Variants in CTDNEP1 observed in about 807,000 individuals in gnomAD.
CTDNEP1 encodes the protein CTD nuclear envelope phosphatase 1.
CTDNEP1 carries 3 observed loss-of-function variants against 30.1 expected under a neutral mutation model. The observed-to-expected ratio is 0.10, with a 90% CI of 0.05 to 0.26. CTDNEP1 has a LOEUF of 0.26. Among genes scored for constraint, CTDNEP1 ranks in the 10% least tolerant of loss-of-function variants. CTDNEP1 has a pLI of 1.00. For missense variants in CTDNEP1, 158 were observed against 310.4 expected, an observed-to-expected ratio of 0.51 and a Z score of 3.69; for synonymous variants, 123 against 118.8, an observed-to-expected ratio of 1.04 and a Z score of -0.23.
chr17:7,248,971 C>A (rs1213364754), intron 1 of CTDNEP1, among the ~76,000 whole-genome samples: 1 of 152,178 alleles, frequency 6.6e-6, no homozygotes, highest in Non-Finnish European at 1.5e-5. Context: ...AGAACCTCAG[C>A]CCTCTGAACA....
rs770156939 is a variant in CTDNEP1 at position 7,245,975 on chromosome 17, C to G, written c.589+51G>C. ...AAGCCCAGGTCTCCTGCAAAAATAC[C>G]TTCTCAGAACCATGTTCTGGTCCTG... On this transcript the variant is annotated intron_variant, in intron 6 of 7. Coordinates refer to ENST00000574322, the MANE Select transcript of CTDNEP1 (RefSeq NM_001143775.2). 10 of 1,270,756 alleles carry G rather than the reference C, an allele frequency of 7.9e-6. No homozygotes were observed. The Admixed American group carries it at 1.8e-4, about 22-fold the overall frequency. 78.7% of individuals were successfully genotyped at this position (1,270,756 alleles called of 1,614,324 possible). A position where few individuals can be genotyped will look rare whatever the true frequency, so the allele number is the denominator to read the frequency against.
upstream of CTDNEP1, chr17:7,251,935 G>A (rs1597578364): frequency 6.3e-6 from 1 of 159,984 alleles, no homozygotes; most frequent in African/African-American, 2.4e-5. Context: ...TCTGCAGCTG[G>A]GTTTCCCACT....
At chr17:7,249,898 G>C (rs923796350) in intron 1 of CTDNEP1, among the ~76,000 whole-genome samples, 3 of 152,072 alleles carry the variant, frequency 2.0e-5, no homozygotes, top group African/African-American at 7.2e-5. Flanking sequence ...GCGACAAAGC[G>C]AGACTGTCTC....
At position 7,244,153 on chromosome 17, in the gene CTDNEP1, C is replaced by T. The variant is rs1161136683; in HGVS notation, c.*32G>A. On this transcript the variant is annotated 3_prime_UTR_variant, in exon 8 of 8. Transcript: ENST00000574322. ...CAAGGGCTCGCCCTCCCTTTCCCCC[C>T]CACCCCAACTCAGGTGGAGGGGGAG... 9.3e-6 allele frequency: 15 copies of T among 1,613,236 alleles called. No homozygotes were observed. The highest frequency in any genetic ancestry group is 1.7e-5 in the Admixed American group (1 of 60,012).
At chr17:7,249,772 G>A (rs1219746242) in intron 1 of CTDNEP1, among the ~76,000 whole-genome samples, 3 of 152,180 alleles carry the variant, frequency 2.0e-5, no homozygotes, top group Non-Finnish European at 4.4e-5. Context: ...TTAGCCAGGT[G>A]TGGTGGCAGG....
At chr17:7,244,686 G>T in intron 6 of CTDNEP1, 51 bp from the exon 7 acceptor site, 3 of 1,358,912 alleles carry the variant, frequency 2.2e-6, no homozygotes, top group Non-Finnish European at 3.0e-6. Flanking sequence ...AAGAGAGACG[G>T]TGTTTTTCTC....
At chr17:7,248,682 T>C (rs1433260745) in intron 1 of CTDNEP1, among the ~76,000 whole-genome samples, 2 of 152,068 alleles carry the variant, frequency 1.3e-5, no homozygotes, top group Admixed American at 6.6e-5. Flanking sequence ...ACTGTGATAT[T>C]ATCCTGCTAC....
rs1156528383 is a variant in CTDNEP1 at position 7,247,048 on chromosome 17, C to T, written c.288+16G>A. Reference sequence around the variant, plus strand: ...GAACAGATGGAACCATTTCATCACTCCCCACCACCACACACCTTGAGGATG... The same window carrying T: ...GAACAGATGGAACCATTTCATCACTTCCCACCACCACACACCTTGAGGATG... On this transcript the variant is annotated intron_variant, in intron 3 of 7. Transcript: ENST00000574322. 2 of 1,580,194 alleles carry T rather than the reference C, an allele frequency of 1.3e-6. No homozygotes were observed. The highest frequency in any genetic ancestry group is 1.7e-6 in the Non-Finnish European group (2 of 1,151,104).
chr17:7,248,000 T>C (rs939180527), intron 1 of CTDNEP1, among the ~76,000 whole-genome samples: 1 of 151,352 alleles, frequency 6.6e-6, no homozygotes, highest in Non-Finnish European at 1.5e-5. Flanking sequence ...CAGTGGCTCA[T>C]GCCTGTAATC....
In CTDNEP1 at chr17:7,243,941, T is replaced by G; in HGVS notation, c.*244A>C. The G allele has an allele frequency of 7.4e-7, 1 of 1,357,978 alleles. No individual in the cohort carries two copies. The highest frequency in any genetic ancestry group is 2.9e-5 in the East Asian group (1 of 34,590). 84.1% of individuals were successfully genotyped at this position (1,357,978 alleles called of 1,614,324 possible). Reference sequence around the variant, plus strand: ...GATTCGGCTCTCCTAGGCTTCCGCCTGTGTCCCAGTCTGGGGTTTCCATGG... The same window carrying G: ...GATTCGGCTCTCCTAGGCTTCCGCCGGTGTCCCAGTCTGGGGTTTCCATGG... On this transcript the variant is annotated 3_prime_UTR_variant, in exon 8 of 8. Coordinates refer to ENST00000574322, the MANE Select transcript of CTDNEP1 (RefSeq NM_001143775.2).
Position 7,246,195 on chromosome 17 carries a change from G to A in CTDNEP1, c.478-58C>T, listed in dbSNP as rs2071834773. The A allele has an allele frequency of 6.3e-7, 1 of 1,580,640 alleles. No homozygotes were observed. The highest frequency in any genetic ancestry group is 1.1e-5 in the South Asian group (1 of 90,334). The stretch of plus-strand genomic sequence containing the variant: ...CTCCAGGATACTCTCCTCAAACCCA[G>A]ATCCCTCCCTGGTGGCCTCCCTCCC... On this transcript the variant is annotated intron_variant, in intron 5 of 7. Coordinates refer to ENST00000574322, the MANE Select transcript of CTDNEP1 (RefSeq NM_001143775.2). The surrounding 1 kb of genome is among the most constrained non-coding windows in gnomAD (Gnocchi z 4.9).
In CTDNEP1 at chr17:7,246,750, T is replaced by C. The variant is rs2071843869; in HGVS notation, c.360+41A>G. On this transcript the variant is annotated intron_variant, in intron 4 of 7. Coordinates refer to ENST00000574322, the MANE Select transcript of CTDNEP1 (RefSeq NM_001143775.2). This position sits in a 1 kb window ranked among gnomAD's most constrained non-coding sequence, Gnocchi z 4.9. ...CCCAATTCCCAGAGCCCTAAAACCA[T>C]TCCTTCATTACAGAGCTCCCTTTAG... is the stretch of plus-strand genomic sequence containing the variant. The C allele has an allele frequency of 6.5e-7, 1 of 1,541,922 alleles. No individual in the cohort carries two copies. Among genetic ancestry groups the C allele is most frequent in the Non-Finnish European group, 9.0e-7 (1 of 1,115,910 alleles).
At position 7,251,630 on chromosome 17, in the gene CTDNEP1, G is replaced by GAGGCC. The variant is rs1435571211; in HGVS notation, c.-335_-334insGGCCT. On this transcript the variant is annotated 5_prime_UTR_variant, in exon 1 of 8. Transcript: ENST00000574322. ...GAGGGAAGGGGAAGGATAATTGGGG[G>GAGGCC]AGGGGGCAGTGGGGGAGGGGGCTAG... The GAGGCC allele has an allele frequency of 6.2e-6, 1 of 160,930 alleles. No homozygotes were observed. Among genetic ancestry groups the GAGGCC allele is most frequent in the Non-Finnish European group, 1.3e-5 (1 of 74,812 alleles). The allele number at this position is 160,930 out of a possible 1,614,324, so 10.0% of individuals were successfully genotyped here. A position where few individuals can be genotyped will look rare whatever the true frequency, so the allele number is the denominator to read the frequency against.
In CTDNEP1 at chr17:7,244,010, G is replaced by C; in HGVS notation, c.*175C>G. 1 of 1,414,064 alleles carries C rather than the reference G, an allele frequency of 7.1e-7. No individual in the cohort carries two copies. 87.6% of individuals were successfully genotyped at this position (1,414,064 alleles called of 1,614,324 possible). Reference sequence around the variant, plus strand: ...AGAGTGAGGCTGCTTCAGAGCCCCTGGCCCATGTGTCCATCCAGACTCCAA... The same window carrying C: ...AGAGTGAGGCTGCTTCAGAGCCCCTCGCCCATGTGTCCATCCAGACTCCAA... On this transcript the variant is annotated 3_prime_UTR_variant, in exon 8 of 8. Coordinates refer to ENST00000574322, the MANE Select transcript of CTDNEP1 (RefSeq NM_001143775.2).
intron 7 of CTDNEP1, 24 bp downstream of exon 7, chr17:7,244,527 G>A (rs1444604946): frequency 1.3e-6 from 2 of 1,591,678 alleles, no homozygotes; most frequent in Non-Finnish European, 8.6e-7. Context: ...AGATATCCAA[G>A]TGTCCAGAGC....
Position 7,246,694 on chromosome 17 carries a change from C to A in CTDNEP1, c.360+97G>T, listed in dbSNP as rs913160976. 41 of 1,070,676 alleles carry A rather than the reference C, an allele frequency of 3.8e-5. No individual in the cohort carries two copies. The highest frequency in any genetic ancestry group is 5.8e-5 in the Admixed American group (3 of 52,068). 66.3% of individuals were successfully genotyped at this position (1,070,676 alleles called of 1,614,324 possible). ...CTCCCCTCTAGAAAACTGCTCTAAC[C>A]CGTTTCTCCTCACCCCTTCCTCCAA... On this transcript the variant is annotated intron_variant, in intron 4 of 7. Transcript: ENST00000574322. The surrounding 1 kb of genome is among the most constrained non-coding windows in gnomAD (Gnocchi z 4.9).
chr17:7,244,294 C>A (rs776683596), intron 7 of CTDNEP1, 49 bp from the exon 8 acceptor site: 4 of 1,579,938 alleles, frequency 2.5e-6, no homozygotes, highest in South Asian at 1.1e-5. Context: ...AGTTCATACC[C>A]TCACAACACT....
chr17:7,249,080 C>T (rs1020662507), intron 1 of CTDNEP1, among the ~76,000 whole-genome samples: 6 of 152,170 alleles, frequency 3.9e-5, no homozygotes, highest in African/African-American at 1.4e-4. Flanking sequence ...GAAGTCAGGG[C>T]CGTTAAGTGA....
chr17:7,246,489 C>A lies in CTDNEP1; in HGVS notation c.361-119G>T. Reference sequence around the variant, plus strand: ...CAGGCCTTCCATCAACATCAAATGTCTCTGAGGACACGAAATTCTGAACCC... The same window carrying A: ...CAGGCCTTCCATCAACATCAAATGTATCTGAGGACACGAAATTCTGAACCC... On this transcript the variant is annotated intron_variant, in intron 4 of 7. Transcript: ENST00000574322. This position sits in a 1 kb window ranked among gnomAD's most constrained non-coding sequence, Gnocchi z 4.9. The A allele has an allele frequency of 1.3e-6, 1 of 771,186 alleles. No individual in the cohort carries two copies. 47.8% of individuals were successfully genotyped at this position (771,186 alleles called of 1,614,324 possible). A position where few individuals can be genotyped will look rare whatever the true frequency, so the allele number is the denominator to read the frequency against.
Sources: allele counts gnomAD v4.1 joint callset (sites outside exome capture counted in the v4.1 genomes callset), GRCh38; gene constraint gnomAD v4.1.1; non-coding constraint Gnocchi (gnomAD v3.1); transcripts MANE v1.5; gene names NCBI Gene and HGNC (gene_info 2026-07-23, HGNC 2026-07-21).